The following SEPTIN7 variants were observed in gnomAD, a reference collection of about 807,000 sequenced individuals.
The protein encoded by SEPTIN7 is septin-7.
A neutral mutation model predicts 63.3 loss-of-function variants in SEPTIN7; 10 were observed. The observed-to-expected ratio is 0.16, with a 90% confidence interval of 0.10 to 0.27. The LOEUF (loss-of-function observed/expected upper bound fraction) is 0.27, where lower values mean the gene tolerates loss of function less well. Ranked by LOEUF, SEPTIN7 falls within the 10% of genes least tolerant of loss-of-function variation. The probability of loss-of-function intolerance (pLI) is 1.00; values close to 1 mark genes in which losing one functional copy is unlikely to be tolerated. For missense variants in SEPTIN7, 310 were observed against 521.0 expected, an observed-to-expected ratio of 0.59 and a Z score of 3.94; for synonymous variants, 131 against 165.3, an observed-to-expected ratio of 0.79 and a Z score of 1.59.
chr7:35,889,556 T>C (rs1378121310), intron 10 of SEPTIN7, among the ~76,000 whole-genome samples: 1 of 152,206 alleles, frequency 6.6e-6, no homozygotes, highest in Non-Finnish European at 1.5e-5. Context: ...ACTTTTTTTT[T>C]CTTTTTAAGA....
intron 1 of SEPTIN7, among the ~76,000 whole-genome samples, chr7:35,808,633 G>A (rs1788503331): frequency 6.6e-6 from 1 of 152,156 alleles, no homozygotes; most frequent in Non-Finnish European, 1.5e-5. Flanking sequence ...ACTTCCTTTG[G>A]AGGGAACAAA....
downstream of SEPTIN7, among the ~76,000 whole-genome samples, chr7:35,908,871 A>G (rs149832177): frequency 2.8e-4 from 42 of 152,258 alleles, no homozygotes; most frequent in African/African-American, 8.7e-4. Flanking sequence ...AAGGCATACA[A>G]CTTTTTTACC....
chr7:35,884,092 A>C, intron 9 of SEPTIN7, 105 bp downstream of exon 9: 1 of 610,688 alleles, frequency 1.6e-6, no homozygotes, highest in African/African-American at 1.9e-5. Context: ...GATATAGTCT[A>C]GATTTTCAAG....
intron 1 of SEPTIN7, among the ~76,000 whole-genome samples, chr7:35,825,339 G>C (rs1231139459): frequency 2.0e-5 from 3 of 152,118 alleles, no homozygotes; most frequent in African/African-American, 7.2e-5. Flanking sequence ...TCCTAAAAAT[G>C]AGTTGTATTG....
chr7:35,894,548 C>T (rs1405907953), intron 11 of SEPTIN7, among the ~76,000 whole-genome samples: 2 of 152,090 alleles, frequency 1.3e-5, no homozygotes, highest in African/African-American at 4.8e-5. Context: ...ATTCAAGTGT[C>T]CTTTCATGAA....
At chr7:35,852,611 T>C (rs1400839375) in intron 3 of SEPTIN7, among the ~76,000 whole-genome samples, 2 of 152,202 alleles carry the variant, frequency 1.3e-5, no homozygotes, top group Non-Finnish European at 2.9e-5. Flanking sequence ...TGCTCACTCA[T>C]TACAAAATAG....
At chr7:35,810,798 G>A (rs796268395) in intron 1 of SEPTIN7, among the ~76,000 whole-genome samples, 5 of 150,584 alleles carry the variant, frequency 3.3e-5, no homozygotes, top group South Asian at 2.1e-4. Context: ...ACAGAGGCTC[G>A]CTCTGTCGCC....
chr7:35,903,094 C>G lies in SEPTIN7; in HGVS notation c.1153C>G (p.Gln385Glu). The change falls in exon 13 of 14, where the codon CAA (glutamine) becomes GAA (glutamate). Residue 385 changes from glutamine (Q) to glutamate (E), a missense_variant. By Grantham distance (29) the Gln-to-Glu change is conservative. Around this residue, in one of 2 missense-constraint regions of SEPTIN7, gnomAD observed 255 missense variants for 490.5 expected, o/e 0.52. Coordinates refer to ENST00000350320, the MANE Select transcript of SEPTIN7 (RefSeq NM_001788.6). ...GATTTAGCTCCAGCGGCGCCATGAG[C>G]AAATGAAAAAGAATTTGGAAGCACA... The part of the protein sequence containing the change: ...SEAELQRRHE[Q>E]MKKNLEAQHK... 6.4e-7 allele frequency: 1 copy of G among 1,555,316 alleles called. No homozygotes were observed. The highest frequency in any genetic ancestry group is 2.4e-5 in the East Asian group (1 of 41,960).
At chr7:35,870,182 G>A (rs1786059892) in intron 4 of SEPTIN7, among the ~76,000 whole-genome samples, 1 of 152,100 alleles carries the variant, frequency 6.6e-6, no homozygotes, top group Admixed American at 6.5e-5. Context: ...GAATTTTGTA[G>A]GCCAGAGAAG....
intron 3 of SEPTIN7, among the ~76,000 whole-genome samples, chr7:35,836,162 A>G (rs1784077033): frequency 6.6e-6 from 1 of 152,168 alleles, no homozygotes; most frequent in Non-Finnish European, 1.5e-5. Context: ...CATATCAAAT[A>G]ATGAAGACAT....
chr7:35,869,036 G>A (rs1785985484), intron 4 of SEPTIN7, among the ~76,000 whole-genome samples: 1 of 152,132 alleles, frequency 6.6e-6, no homozygotes, highest in African/African-American at 2.4e-5. Context: ...GGAAATTCTT[G>A]TTGAGGTTGA....
At chr7:35,836,410 A>C (rs190739776) in intron 3 of SEPTIN7, among the ~76,000 whole-genome samples, 153 of 152,368 alleles carry the variant, frequency 1.0e-3, no homozygotes, top group Non-Finnish European at 1.9e-3. Context: ...CTAGGAAGAT[A>C]GAATCCAAAA....
chr7:35,840,031 C>T (rs2115960209), intron 3 of SEPTIN7, among the ~76,000 whole-genome samples: 1 of 152,218 alleles, frequency 6.6e-6, no homozygotes, highest in Middle Eastern at 3.4e-3. Context: ...ATTATTAGAT[C>T]AAAGTATTTG....
chr7:35,851,238 C>G (rs1458303225), intron 3 of SEPTIN7, among the ~76,000 whole-genome samples: 1 of 152,084 alleles, frequency 6.6e-6, no homozygotes, highest in African/African-American at 2.4e-5. Flanking sequence ...ATTACTGACT[C>G]TAGTTACTCT....
At chr7:35,881,572 A>G (rs751705303) in intron 7 of SEPTIN7, among the ~76,000 whole-genome samples, 1 of 150,468 alleles carries the variant, frequency 6.6e-6, no homozygotes, top group African/African-American at 2.4e-5. Context: ...TTCAGTGACA[A>G]TTTTACTTCT....
rs1787925397 is a variant in SEPTIN7 at position 35,801,147 on chromosome 7, A to C, written c.-63A>C. 2.9e-6 allele frequency: 4 copies of C among 1,366,456 alleles called. No individual in the cohort carries two copies. The highest frequency in any genetic ancestry group is 2.9e-6 in the Non-Finnish European group (3 of 1,023,370). The allele number at this position is 1,366,456 out of a possible 1,614,324, so 84.6% of individuals were successfully genotyped here. On this transcript the variant is annotated 5_prime_UTR_variant, in exon 1 of 14. Coordinates refer to ENST00000350320, the MANE Select transcript of SEPTIN7 (RefSeq NM_001788.6). ...GGCGGCTACGCTGCGGAATCGGCGT[A>C]GGCGCCTTTGGAGAATCGGCGGGCT... is the stretch of plus-strand genomic sequence containing the variant.
intron 3 of SEPTIN7, among the ~76,000 whole-genome samples, chr7:35,857,310 T>G (rs544713495): frequency 5.9e-5 from 9 of 152,192 alleles, no homozygotes; most frequent in African/African-American, 2.2e-4. Flanking sequence ...CTTGGCCAAA[T>G]GATACCCTTT....
intron 10 of SEPTIN7, among the ~76,000 whole-genome samples, chr7:35,887,547 G>A (rs770016684): frequency 2.0e-5 from 3 of 152,212 alleles, no homozygotes; most frequent in South Asian, 2.1e-4. Flanking sequence ...GGGTTTCACC[G>A]TGTTGGCCAG....
At chr7:35,896,849 A>G (rs1787986097) in intron 11 of SEPTIN7, among the ~76,000 whole-genome samples, 1 of 152,244 alleles carries the variant, frequency 6.6e-6, no homozygotes, top group South Asian at 2.1e-4. Context: ...CGCAATTGCG[A>G]AAACAGATCA....
Sources: allele counts gnomAD v4.1 joint callset (sites outside exome capture counted in the v4.1 genomes callset), GRCh38; gene constraint gnomAD v4.1.1; regional missense constraint gnomAD v4.1.1; transcripts MANE v1.5; gene names NCBI Gene and HGNC (gene_info 2026-07-23, HGNC 2026-07-21).